The following TAOK3 variants were observed in gnomAD, a reference collection of about 807,000 sequenced individuals.
TAOK3 encodes serine/threonine-protein kinase TAO3.
Under a neutral mutation model 120.4 loss-of-function variants are expected in TAOK3, and 40 were observed. The observed-to-expected ratio is 0.33, with a 90% CI of 0.26 to 0.43. TAOK3 has a LOEUF of 0.43. Ranked by LOEUF, TAOK3 falls within the 20% of genes least tolerant of loss-of-function variation. TAOK3 has a pLI of 1.00. For missense variants in TAOK3, 821 were observed against 1,112.1 expected (o/e 0.74, Z 3.72); for synonymous variants, 355 against 387.5 (o/e 0.92, Z 0.99).
chr12:118,369,902 G>A (rs964801137), intron 1 of TAOK3, among the ~76,000 whole-genome samples: 2 of 152,058 alleles, frequency 1.3e-5, no homozygotes, highest in African/African-American at 4.8e-5. Flanking sequence ...TTGAGACGGA[G>A]TCCTGCTCTG....
intron 13 of TAOK3, among the ~76,000 whole-genome samples, chr12:118,191,886 T>C (rs971844075): frequency 6.6e-6 from 1 of 152,336 alleles, no homozygotes; most frequent in African/African-American, 2.4e-5. Context: ...TGTGATTTTA[T>C]AGGAGGCTTT....
chr12:118,318,840 G>A (rs2043582824), intron 1 of TAOK3, among the ~76,000 whole-genome samples: 1 of 152,220 alleles, frequency 6.6e-6, no homozygotes, highest in Non-Finnish European at 1.5e-5. Context: ...GTGTCCGTCA[G>A]TGGGTGAATG....
intron 11 of TAOK3, among the ~76,000 whole-genome samples, chr12:118,209,059 C>T (rs911264573): frequency 1.3e-5 from 2 of 151,948 alleles, no homozygotes; most frequent in Non-Finnish European, 2.9e-5. Flanking sequence ...GCCATATACA[C>T]AAAGATATTC....
Position 118,233,655 on chromosome 12 carries a change from CAAAT to C in TAOK3, c.643+15_643+18del. ...AGAATTTTAAAAAATACAATGAAAA[CAAAT>C]AACTCTTTACTCACCCAATTCAATA... On this transcript the variant is annotated intron_variant, in intron 9 of 20. Coordinates refer to ENST00000392533, the MANE Select transcript of TAOK3 (RefSeq NM_016281.4). 6.5e-7 allele frequency: 1 copy of C among 1,544,598 alleles called. No homozygotes were observed. Among genetic ancestry groups the C allele is most frequent in the Admixed American group, 1.7e-5 (1 of 57,614 alleles).
At chr12:118,189,529 G>GACACAC (rs1262640332) in intron 14 of TAOK3, among the ~76,000 whole-genome samples, 13 of 83,322 alleles carry the variant, frequency 1.6e-4, no homozygotes, top group African/African-American at 5.5e-4. Flanking sequence ...AACACACACA[G>GACACAC]ACACAGACAC....
At position 118,278,495 on chromosome 12, in the gene TAOK3, T is replaced by C. The variant is rs141511395; in HGVS notation, c.-193-11736A>G. 8.5e-3 allele frequency among the ~76,000 whole-genome samples: 1,289 copies of C among 152,330 alleles called. 12 individuals are homozygous for C. The highest frequency in any genetic ancestry group is 0.029 in the African/African-American group (1,189 of 41,568). On this transcript the variant is annotated intron_variant, in intron 1 of 20. Coordinates refer to ENST00000392533, the MANE Select transcript of TAOK3 (RefSeq NM_016281.4). ...ATCTCATTCTTTTTTCATGGCTGCA[T>C]AGTATTCCATGGTGTATATGCACCA...
chr12:118,201,391 G>A lies in TAOK3; in HGVS notation c.892C>T (p.Arg298Cys), dbSNP rs1219239968. The change falls in exon 12 of 21, where the codon CGT becomes TGT. Residue 298 changes from arginine (R) to cysteine (C), a missense_variant. Coordinates refer to ENST00000392533, the MANE Select transcript of TAOK3 (RefSeq NM_016281.4). Reference sequence around the variant, plus strand: ...CGGTACTGTAGGTTATCTAGCTCACGAACTGCATCTTTTGTCCTCTGTATG... The same window carrying A: ...CGGTACTGTAGGTTATCTAGCTCACAAACTGCATCTTTTGTCCTCTGTATG... ...DLIQRTKDAVRELDNLQYRKM... is the reference protein window; with the variant it reads ...DLIQRTKDAVCELDNLQYRKM... 5.0e-6 allele frequency: 8 copies of A among 1,614,026 alleles called. No homozygotes were observed. The highest frequency in any genetic ancestry group is 4.5e-5 in the East Asian group (2 of 44,864).
intron 3 of TAOK3, among the ~76,000 whole-genome samples, chr12:118,253,864 C>A (rs1466281197): frequency 6.6e-6 from 1 of 152,030 alleles, no homozygotes; most frequent in African/African-American, 2.4e-5. Context: ...GCCTGGCCAA[C>A]ATGGTGAAAC....
intron 1 of TAOK3, among the ~76,000 whole-genome samples, chr12:118,327,349 G>A (rs1304612101): frequency 6.6e-6 from 1 of 152,120 alleles, no homozygotes; most frequent in East Asian, 1.9e-4. Context: ...TTAAGAACTA[G>A]AATTAGTGAA....
chr12:118,151,793 T>TA (rs1232368197), intron 20 of TAOK3, among the ~76,000 whole-genome samples: 4 of 152,228 alleles, frequency 2.6e-5, no homozygotes. Flanking sequence ...AATATCAGCC[T>TA]ATCATCATTT....
At chr12:118,351,323 T>C (rs559766273) in intron 1 of TAOK3, among the ~76,000 whole-genome samples, 25 of 152,354 alleles carry the variant, frequency 1.6e-4, no homozygotes, top group African/African-American at 6.0e-4. Flanking sequence ...GTAGCATTGC[T>C]GTACCTAAAT....
At chr12:118,332,048 C>T (rs371840434) in intron 1 of TAOK3, among the ~76,000 whole-genome samples, 8 of 152,270 alleles carry the variant, frequency 5.3e-5, no homozygotes, top group African/African-American at 1.7e-4. Flanking sequence ...TGGTCTCGAC[C>T]GCCTGACCTC....
chr12:118,191,871 A>G (rs2037450877), intron 13 of TAOK3, among the ~76,000 whole-genome samples: 1 of 152,216 alleles, frequency 6.6e-6, no homozygotes, highest in Non-Finnish European at 1.5e-5. Flanking sequence ...TGCTAGGTAG[A>G]GGCCTGTGAT....
intron 9 of TAOK3, among the ~76,000 whole-genome samples, chr12:118,221,605 G>C (rs920949773): frequency 6.6e-6 from 1 of 150,576 alleles, no homozygotes; most frequent in African/African-American, 2.4e-5. Flanking sequence ...TTCTGAAGAA[G>C]TCACCTTGTG....
intron 13 of TAOK3, among the ~76,000 whole-genome samples, chr12:118,194,593 T>C (rs977773627): frequency 6.7e-6 from 1 of 149,300 alleles, no homozygotes; most frequent in Non-Finnish European, 1.5e-5. Flanking sequence ...TAGAACATCC[T>C]ATTCCCTCAA....
In TAOK3 at chr12:118,161,849, C is replaced by T; in HGVS notation, c.2078G>A (p.Arg693Gln). 2 of 1,614,114 alleles carry T rather than the reference C, an allele frequency of 1.2e-6. No individual in the cohort carries two copies. Among genetic ancestry groups the T allele is most frequent in the Non-Finnish European group, 1.7e-6 (2 of 1,180,034 alleles). ...LENQLEYNKR[R>Q]ERELHRKHVM... The stretch of plus-strand genomic sequence containing the variant: ...ATGCTTTCTGTGCAGTTCTCTTTCT[C>T]GCCTCTTATTGTACTCCAGCTGGTT... The change falls in exon 18 of 21, where the codon CGA (arginine) becomes CAA (glutamine). Residue 693 changes from arginine to glutamine, a missense_variant. Arg to Gln is a conservative substitution (Grantham distance 43). This residue lies in a region of TAOK3 where 354 missense variants were observed against 572.1 expected (regional missense o/e 0.62). Transcript: ENST00000392533. The surrounding 1 kb of genome is among the most constrained non-coding windows in gnomAD (Gnocchi z 4.5).
At chr12:118,278,144 A>AT (rs1328060033) in intron 1 of TAOK3, among the ~76,000 whole-genome samples, 2 of 151,828 alleles carry the variant, frequency 1.3e-5, no homozygotes, top group African/African-American at 4.8e-5. Context: ...ATTTGAATTT[A>AT]TTTTTTAACA....
chr12:118,192,880 T>C (rs2037503577), intron 13 of TAOK3, among the ~76,000 whole-genome samples: 1 of 152,124 alleles, frequency 6.6e-6, no homozygotes, highest in African/African-American at 2.4e-5. Flanking sequence ...CAAAGAAGGA[T>C]TTTAGAAGAT....
At chr12:118,324,886 A>G (rs1228729864) in intron 1 of TAOK3, among the ~76,000 whole-genome samples, 1 of 151,420 alleles carries the variant, frequency 6.6e-6, no homozygotes, top group East Asian at 1.9e-4. Flanking sequence ...CTGGGACTAC[A>G]GGCGCCCGCC....
Sources: gnomAD v4.1 joint callset for allele counts (sites outside exome capture counted in the v4.1 genomes callset) on GRCh38, gnomAD v4.1.1 for gene constraint, gnomAD v4.1.1 regional missense constraint, Gnocchi (gnomAD v3.1) non-coding constraint, MANE v1.5 for transcripts, NCBI Gene and HGNC (gene_info 2026-07-23, HGNC 2026-07-21) for gene names.